Variants in GBP6 observed in about 807,000 individuals in gnomAD.
GBP6 encodes the protein guanylate-binding protein 6.
Under a neutral mutation model 61.5 loss-of-function variants are expected in GBP6, and 54 were observed. That is an observed-to-expected ratio of 0.88 (90% CI 0.71 to 1.10). The LOEUF (loss-of-function observed/expected upper bound fraction) is 1.10, where lower values mean the gene tolerates loss of function less well. Among genes scored for constraint, GBP6 ranks in the 50% least tolerant of loss-of-function variants. GBP6 has a pLI of 0.00. For synonymous variants in GBP6, 255 were observed against 273.7 expected (o/e 0.93, Z 0.67); for missense variants, 748 against 752.8 (o/e 0.99, Z 0.07).
In GBP6 at chr1:89,379,869, G is replaced by A. The variant is rs561944720; in HGVS notation, c.626-517G>A. Among the ~76,000 whole-genome samples, 20 of 152,084 alleles carry A rather than the reference G, an allele frequency of 1.3e-4. 1 individual carries two copies. The highest frequency in any genetic ancestry group is 6.2e-4 in the South Asian group (3 of 4,830). Reference sequence around the variant, plus strand: ...AACTACCTTCTTGGCTGGGCAAGGTGACTTGCACCTGTAGTGTCAGCACTT... The same window carrying A: ...AACTACCTTCTTGGCTGGGCAAGGTAACTTGCACCTGTAGTGTCAGCACTT... On this transcript the variant is annotated intron_variant, in intron 5 of 10. Transcript: ENST00000370456.
chr1:89,375,153 T>A (rs542793664), intron 3 of GBP6, among the ~76,000 whole-genome samples: 4 of 152,342 alleles, frequency 2.6e-5, no homozygotes, highest in African/African-American at 9.6e-5. Flanking sequence ...TACCACATTT[T>A]ATGTATCCAG....
chr1:89,374,862 T>C (rs1220742628), intron 3 of GBP6, among the ~76,000 whole-genome samples: 1 of 152,124 alleles, frequency 6.6e-6, no homozygotes, highest in African/African-American at 2.4e-5. Flanking sequence ...GGTTATTTTA[T>C]CACCCAGGTA....
chr1:89,383,291 C>A (rs1248354326), intron 8 of GBP6, among the ~76,000 whole-genome samples: 1 of 152,152 alleles, frequency 6.6e-6, no homozygotes. Flanking sequence ...AAAGTTCTAG[C>A]CAGCAAGTGG....
chr1:89,369,524 A>G (rs1283443913), intron 2 of GBP6, 22 bp from the exon 3 acceptor site: 1 of 1,609,504 alleles, frequency 6.2e-7, no homozygotes, highest in South Asian at 1.1e-5. Flanking sequence ...CCCTGTGCTT[A>G]GCTTCCTCCT....
intron 3 of GBP6, among the ~76,000 whole-genome samples, chr1:89,372,436 A>G (rs1487989441): frequency 9.9e-5 from 15 of 152,242 alleles, no homozygotes; most frequent in Non-Finnish European, 1.9e-4. Context: ...ACAGTAACCA[A>G]AATAGCATGG....
In GBP6 at chr1:89,384,292, T is replaced by C. The variant is rs1653074546; in HGVS notation, c.1662+6T>C. On this transcript the variant is annotated splice_donor_region_variant and intron_variant, in intron 10 of 10. Transcript: ENST00000370456. ...TGTTGGAGCACACGCAGAAGGTAAG[T>C]CTGCCCTTGGCCTCAGCAGGCCAGA... 6.2e-7 allele frequency: 1 copy of C among 1,605,172 alleles called. No homozygotes were observed. The highest frequency in any genetic ancestry group is 8.5e-7 in the Non-Finnish European group (1 of 1,175,736).
At position 89,380,604 on chromosome 1, in the gene GBP6, A is replaced by T. The variant is rs904504887; in HGVS notation, c.844A>T (p.Arg282Trp). Residue 282 changes from arginine to tryptophan, a missense_variant, in exon 6 of 11, where the codon AGG (arginine) becomes TGG (tryptophan). Coordinates refer to ENST00000370456, the MANE Select transcript of GBP6 (RefSeq NM_198460.3). ...IFTHARTKTL[R>W]EGITVTGNRL... ...CACTCATGCAAGAACCAAGACCCTC[A>T]GGGAGGGAATCACAGTCACTGGGAA... 1 of 1,613,882 alleles carries T rather than the reference A, an allele frequency of 6.2e-7. No homozygotes were observed. The highest frequency in any genetic ancestry group is 8.5e-7 in the Non-Finnish European group (1 of 1,179,740).
At chr1:89,371,385 C>T (rs542823137) in intron 3 of GBP6, among the ~76,000 whole-genome samples, 3 of 152,248 alleles carry the variant, frequency 2.0e-5, no homozygotes, top group African/African-American at 7.2e-5. Context: ...GACCAATATC[C>T]CTGATGAACA....
At chr1:89,382,966 T>G in intron 8 of GBP6, 90 bp downstream of exon 8, 10 of 762,006 alleles carry the variant, frequency 1.3e-5, no homozygotes, top group Non-Finnish European at 2.0e-5. Flanking sequence ...AGCAGAGGGA[T>G]AGCATAACGC....
In GBP6 at chr1:89,374,394, A is replaced by G. The variant is rs191549481; in HGVS notation, c.319-3709A>G. On this transcript the variant is annotated intron_variant, in intron 3 of 10. Transcript: ENST00000370456. ...ATATTTAAATATAAATATAAATATGAAAGTACAGATATCTCGTTAAAATAC... is the reference window on the plus strand; with the variant it reads ...ATATTTAAATATAAATATAAATATGGAAGTACAGATATCTCGTTAAAATAC... Among the ~76,000 whole-genome samples, 10 of 152,314 alleles carry G rather than the reference A, an allele frequency of 6.6e-5. No individual in the cohort carries two copies. The East Asian group carries it at 1.5e-3, about 23-fold the overall frequency.
chr1:89,370,947 T>A (rs1557537551), intron 3 of GBP6, among the ~76,000 whole-genome samples: 1 of 152,228 alleles, frequency 6.6e-6, no homozygotes, highest in Non-Finnish European at 1.5e-5. Flanking sequence ...AGTTTATTTA[T>A]CTTTCATAAC....
intron 10 of GBP6, among the ~76,000 whole-genome samples, 199 bp downstream of exon 10, chr1:89,384,485 A>C (rs1653080562): frequency 6.6e-6 from 1 of 152,198 alleles, no homozygotes; most frequent in Admixed American, 6.5e-5. Context: ...CTATACTTAG[A>C]TTCTGGAGAG....
At chr1:89,365,135 C>T (rs1652435013) in intron 1 of GBP6, among the ~76,000 whole-genome samples, 1 of 152,166 alleles carries the variant, frequency 6.6e-6, no homozygotes, top group South Asian at 2.1e-4. Context: ...AGAGCTTCTG[C>T]ACAGCAAAAG....
At position 89,369,644 on chromosome 1, in the gene GBP6, GAC is replaced by G. The variant is rs1441180286; in HGVS notation, c.292_293del (p.Thr98ArgfsTer10). On this transcript the variant is annotated frameshift_variant, in exon 3 of 11. Transcript: ENST00000370456. LOFTEE classifies it high-confidence loss of function. ...SKPNHTLVLL[D>X]TEGLGDVEKG... ...GCCAAACCACACCCTGGTCCTTCTG[GAC>G]ACCGAAGGTCTGGGCGATGTGGAAA... The G allele has an allele frequency of 6.2e-7, 1 of 1,614,076 alleles. No homozygotes were observed. Among genetic ancestry groups the G allele is most frequent in the East Asian group, 2.2e-5 (1 of 44,878 alleles).
intron 10 of GBP6, 118 bp downstream of exon 10, chr1:89,384,404 A>C (rs892567599): frequency 4.1e-6 from 3 of 740,252 alleles, no homozygotes; most frequent in Non-Finnish European, 4.3e-6. Flanking sequence ...GCTGCTTGGC[A>C]ATCACTAAAA....
At position 89,376,726 on chromosome 1, in the gene GBP6, T is replaced by C. The variant is rs536954315; in HGVS notation, c.319-1377T>C. 5.4e-4 allele frequency among the ~76,000 whole-genome samples: 82 copies of C among 152,264 alleles called. 1 individual carries two copies. The highest frequency in any genetic ancestry group is 1.9e-3 in the African/African-American group (80 of 41,548). ...TTGCGATTCTGTATTAATTTTAGGA[T>C]TTTTTTATATTTATTTAAGAATATT... On this transcript the variant is annotated intron_variant, in intron 3 of 10. Coordinates refer to ENST00000370456, the MANE Select transcript of GBP6 (RefSeq NM_198460.3).
intron 2 of GBP6, 80 bp downstream of exon 2, chr1:89,368,821 A>C (rs1259339232): frequency 9.8e-6 from 13 of 1,326,936 alleles, no homozygotes; most frequent in Non-Finnish European, 1.4e-5. Flanking sequence ...CCCAGAGCAC[A>C]TGAAGGTAGA....
Position 89,380,569 on chromosome 1 carries a change from C to T in GBP6, c.809C>T (p.Ser270Phe), listed in dbSNP as rs1412672658. The part of the protein sequence containing the change: ...KFQEQTNIFC[S>F]YIFTHARTKT... The stretch of plus-strand genomic sequence containing the variant: ...CAGGAACAAACAAACATTTTCTGTT[C>T]TTACATCTTCACTCATGCAAGAACC... The change falls in exon 6 of 11, where the codon TCT (serine) becomes TTT (phenylalanine). Residue 270 changes from serine (S) to phenylalanine (F), a missense_variant. Physicochemically the swap from Ser to Phe is radical, Grantham distance 155. Transcript: ENST00000370456. 1 of 1,613,954 alleles carries T rather than the reference C, an allele frequency of 6.2e-7. No homozygotes were observed. Among genetic ancestry groups the T allele is most frequent in the Non-Finnish European group, 8.5e-7 (1 of 1,179,808 alleles).
At chr1:89,373,770 A>T (rs1378582807) in intron 3 of GBP6, among the ~76,000 whole-genome samples, 2 of 152,054 alleles carry the variant, frequency 1.3e-5, no homozygotes, top group Non-Finnish European at 2.9e-5. Flanking sequence ...CATATGTAAC[A>T]AACCTGCATG....
Sources: allele counts gnomAD v4.1 joint callset (sites outside exome capture counted in the v4.1 genomes callset), GRCh38; gene constraint gnomAD v4.1.1; transcripts MANE v1.5; gene names NCBI Gene and HGNC (gene_info 2026-07-23, HGNC 2026-07-21).